The following DYM variants were observed in gnomAD, a reference collection of about 807,000 sequenced individuals.
DYM encodes the protein dymeclin, also known as dyggve-Melchior-Clausen syndrome protein.
DYM carries 78 observed loss-of-function variants against 93.1 expected under a neutral mutation model. That is an observed-to-expected ratio of 0.84 (90% confidence interval 0.70 to 1.01). The LOEUF (loss-of-function observed/expected upper bound fraction) is 1.01. Ranked by LOEUF, DYM falls within the 50% of genes least tolerant of loss-of-function variation. The pLI, the probability that DYM is intolerant of heterozygous loss-of-function variation, is 0.00. For synonymous variants in DYM, 321 were observed against 319.7 expected (o/e 1.00, Z -0.04); for missense variants, 789 against 845.0 (o/e 0.93, Z 0.82).
intron 2 of DYM, among the ~76,000 whole-genome samples, chr18:49,398,682 T>G (rs1364387993): frequency 1.3e-5 from 2 of 152,234 alleles, no homozygotes; most frequent in Admixed American, 6.5e-5. Context: ...TCTTGGATTC[T>G]ATGAGACACT....
intron 3 of DYM, among the ~76,000 whole-genome samples, chr18:49,380,833 G>A (rs1459554106): frequency 1.3e-5 from 2 of 152,080 alleles, no homozygotes; most frequent in Admixed American, 1.3e-4. Context: ...CTTGACCAAT[G>A]GTTTTCAAAA....
intron 17 of DYM, among the ~76,000 whole-genome samples, chr18:49,092,294 T>G (rs1480504384): frequency 3.3e-5 from 5 of 152,172 alleles, no homozygotes; most frequent in Admixed American, 2.6e-4. Context: ...ACACACAGAT[T>G]TCCCCATCTG....
intron 17 of DYM, among the ~76,000 whole-genome samples, chr18:49,092,647 C>G (rs1364655462): frequency 6.6e-6 from 1 of 152,090 alleles, no homozygotes; most frequent in Non-Finnish European, 1.5e-5. Flanking sequence ...AGAAACAAAC[C>G]ACATTTGTAA....
chr18:49,309,115 G>T (rs994045735), intron 8 of DYM, among the ~76,000 whole-genome samples: 1 of 152,138 alleles, frequency 6.6e-6, no homozygotes, highest in Non-Finnish European at 1.5e-5. Flanking sequence ...AAAAAATTCA[G>T]ATTCAAATCC....
intron 2 of DYM, among the ~76,000 whole-genome samples, chr18:49,426,578 G>T (rs941895637): frequency 1.1e-4 from 17 of 151,342 alleles, no homozygotes; most frequent in African/African-American, 3.7e-4. Context: ...AAAATTTATT[G>T]CCAAAAGATA....
chr18:49,450,675 G>A (rs2082449713), intron 1 of DYM, among the ~76,000 whole-genome samples: 1 of 152,106 alleles, frequency 6.6e-6, no homozygotes, highest in Non-Finnish European at 1.5e-5. Context: ...CCAAAACGAT[G>A]TCCAATCTTC....
At chr18:49,073,889 C>G (rs1416564245) in intron 17 of DYM, among the ~76,000 whole-genome samples, 1 of 152,068 alleles carries the variant, frequency 6.6e-6, no homozygotes, top group East Asian at 1.9e-4. Context: ...TGTCCAGGCC[C>G]AGGATAAGTA....
intron 13 of DYM, among the ~76,000 whole-genome samples, chr18:49,233,131 G>A (rs752953404): frequency 3.0e-4 from 46 of 152,060 alleles, no homozygotes; most frequent in Non-Finnish European, 5.3e-4. Flanking sequence ...GGAGGCCAAG[G>A]CGGGTGGATC....
intron 8 of DYM, among the ~76,000 whole-genome samples, chr18:49,317,688 C>CCTTCCTTCCTTTCTTT (rs1555690626): frequency 2.3e-5 from 2 of 88,638 alleles, no homozygotes; most frequent in African/African-American, 8.8e-5. Context: ...TTCCTTCCTT[C>CCTTCCTTCCTTTCTTT]CTTTCTTTCT....
chr18:49,123,868 C>T (rs1003377215), intron 15 of DYM, among the ~76,000 whole-genome samples: 8 of 152,080 alleles, frequency 5.3e-5, no homozygotes, highest in East Asian at 1.9e-4. Context: ...TTCTCTCTCA[C>T]GGTCATTTAA....
chr18:49,345,745 TAAA>T (rs1370474384), intron 6 of DYM, among the ~76,000 whole-genome samples: 1 of 152,106 alleles, frequency 6.6e-6, no homozygotes. Context: ...TCAAAATTGT[TAAA>T]AAGTCATCAT....
chr18:49,258,158 G>A (rs1343987165), intron 12 of DYM, among the ~76,000 whole-genome samples: 1 of 151,998 alleles, frequency 6.6e-6, no homozygotes, highest in Non-Finnish European at 1.5e-5. Context: ...GTTTTGCATT[G>A]CTTGTTTTCT....
chr18:49,245,967 C>CA (rs1334989214), intron 13 of DYM, among the ~76,000 whole-genome samples: 3 of 152,160 alleles, frequency 2.0e-5, no homozygotes. Flanking sequence ...GGGGCTGGTT[C>CA]CCCCGATAGG....
chr18:49,170,607 C>T (rs1042238072), intron 14 of DYM, among the ~76,000 whole-genome samples: 11 of 151,584 alleles, frequency 7.3e-5, no homozygotes, highest in African/African-American at 2.7e-4. Context: ...TGGTGAAACC[C>T]CATCTCTAAT....
chr18:49,229,678 T>C (rs2093640848), intron 13 of DYM, among the ~76,000 whole-genome samples: 1 of 152,104 alleles, frequency 6.6e-6, no homozygotes, highest in African/African-American at 2.4e-5. Context: ...GAATGCAAAA[T>C]GGTATGGCCA....
At chr18:49,440,387 A>C (rs141448237) in intron 1 of DYM, among the ~76,000 whole-genome samples, 3,207 of 125,792 alleles carry the variant, frequency 0.025, 222 homozygotes, top group African/African-American at 0.083. Context: ...ATTATATATG[A>C]TATATAATAT....
chr18:49,347,965 A>T (rs185675888), intron 6 of DYM, among the ~76,000 whole-genome samples: 1 of 152,206 alleles, frequency 6.6e-6, no homozygotes. Flanking sequence ...AGAACTTTCC[A>T]CCATCTGCTC....
chr18:49,175,177 T>C (rs1406206772), intron 14 of DYM, among the ~76,000 whole-genome samples: 1 of 152,206 alleles, frequency 6.6e-6, no homozygotes, highest in Non-Finnish European at 1.5e-5. Context: ...GCCAAGTTCA[T>C]TTAAGGCCTT....
chr18:49,252,358 C>T (rs553405667), intron 13 of DYM, among the ~76,000 whole-genome samples: 5 of 151,696 alleles, frequency 3.3e-5, no homozygotes, highest in African/African-American at 7.3e-5. Flanking sequence ...AGGAGAAGCA[C>T]GGCACCTTCT....
Sources: gnomAD v4.1 joint callset for allele counts (sites outside exome capture counted in the v4.1 genomes callset) on GRCh38, gnomAD v4.1.1 for gene constraint, MANE v1.5 for transcripts, NCBI Gene and HGNC (gene_info 2026-07-23, HGNC 2026-07-21) for gene names.